The following KMT5B variants were observed in gnomAD, a reference collection of about 807,000 sequenced individuals.
KMT5B encodes histone-lysine N-methyltransferase KMT5B.
In KMT5B, 10 loss-of-function variants were observed where a neutral mutation model predicts 83.2. The ratio of observed to expected loss-of-function variants is 0.12; its 90% CI spans 0.07 to 0.20. KMT5B has a LOEUF of 0.20. KMT5B is among the 10% of genes least tolerant of loss of function. The pLI is 1.00. For synonymous variants in KMT5B, 349 were observed against 388.8 expected (o/e 0.90, Z 1.20); for missense variants, 753 against 1,067.2 (o/e 0.71, Z 4.10).
At position 68,156,723 on chromosome 11, in the gene KMT5B, C is replaced by T. The variant is rs1859320945; in HGVS notation, c.*965G>A. On this transcript the variant is annotated 3_prime_UTR_variant, in exon 11 of 11. Transcript: ENST00000304363. Reference sequence around the variant, plus strand: ...AAAGACAAACTTTTTTTATAGGTTACCACAGAACAAAAGCTGTGACTCATG... The same window carrying T: ...AAAGACAAACTTTTTTTATAGGTTATCACAGAACAAAAGCTGTGACTCATG... 1 of 152,488 alleles carries T rather than the reference C, an allele frequency of 6.6e-6. No homozygotes were observed. Among genetic ancestry groups the T allele is most frequent in the Non-Finnish European group, 1.5e-5 (1 of 68,024 alleles). 9.4% of individuals were successfully genotyped at this position (152,488 alleles called of 1,614,324 possible). A position where few individuals can be genotyped will look rare whatever the true frequency, so the allele number is the denominator to read the frequency against.
intron 4 of KMT5B, chr11:68,179,755 G>C (rs1169184541): frequency 1.5e-6 from 1 of 687,904 alleles, no homozygotes; most frequent in East Asian, 7.0e-5. Flanking sequence ...CCCCTCTGAA[G>C]AAAGTTTAGC....
chr11:68,205,620 ATTCT>A (rs1179679913), intron 1 of KMT5B, among the ~76,000 whole-genome samples: 2 of 147,792 alleles, frequency 1.4e-5, no homozygotes, highest in Non-Finnish European at 3.0e-5. Context: ...GACATTCGCA[ATTCT>A]TTTTTTTTTT....
intron 4 of KMT5B, among the ~76,000 whole-genome samples, chr11:68,179,112 A>T (rs1448197390): frequency 6.6e-6 from 1 of 151,876 alleles, no homozygotes; most frequent in African/African-American, 2.4e-5. Flanking sequence ...AGAGGATTTG[A>T]CTTGCGTTTG....
At chr11:68,181,339 C>T (rs1206472310) in intron 3 of KMT5B, among the ~76,000 whole-genome samples, 2 of 152,174 alleles carry the variant, frequency 1.3e-5, no homozygotes, top group African/African-American at 2.4e-5. Flanking sequence ...TCCCAAAGTG[C>T]TGGAATTACA....
intron 4 of KMT5B, among the ~76,000 whole-genome samples, chr11:68,175,633 A>C (rs1856289823): frequency 6.6e-6 from 1 of 152,214 alleles, no homozygotes. Context: ...TTTTTAAAAC[A>C]TGCAAAATCA....
chr11:68,162,658 A>G lies in KMT5B; in HGVS notation c.1175-3487T>C, dbSNP rs372085931. On this transcript the variant is annotated intron_variant, in intron 10 of 10. Coordinates refer to ENST00000304363, the MANE Select transcript of KMT5B (RefSeq NM_017635.5). ...TCCTTCCAAAACATTCACTGTTGAC[A>G]ACAGAAAACCAAAGCACTTTTATGT... 3.3e-5 allele frequency among the ~76,000 whole-genome samples: 5 copies of G among 152,330 alleles called. No individual in the cohort carries two copies. The East Asian group carries it at 9.7e-4, about 29-fold the overall frequency.
At chr11:68,179,878 C>G (rs1856749282) in intron 4 of KMT5B, 2 of 439,490 alleles carry the variant, frequency 4.6e-6, no homozygotes, top group Non-Finnish European at 8.0e-6. Context: ...GTCCTGCAAT[C>G]AGTGCTCAGC....
intron 10 of KMT5B, chr11:68,164,809 G>A (rs984241676): frequency 2.2e-6 from 1 of 449,860 alleles, no homozygotes; most frequent in African/African-American, 2.0e-5. Context: ...TTGAAAGCCT[G>A]TGCCTCCAGT....
intron 9 of KMT5B, among the ~76,000 whole-genome samples, chr11:68,168,743 G>A (rs1429502554): frequency 1.3e-5 from 2 of 152,332 alleles, no homozygotes; most frequent in Admixed American, 1.3e-4. Context: ...GTATCCTGGA[G>A]TGTCTAGCGC....
chr11:68,182,251 A>G (rs1222159325), intron 3 of KMT5B, among the ~76,000 whole-genome samples: 1 of 152,204 alleles, frequency 6.6e-6, no homozygotes, highest in African/African-American at 2.4e-5. Context: ...TTATCCACTT[A>G]GCACGTCACA....
intron 1 of KMT5B, among the ~76,000 whole-genome samples, chr11:68,205,070 T>C (rs1042490762): frequency 6.6e-6 from 1 of 151,882 alleles, no homozygotes; most frequent in Non-Finnish European, 1.5e-5. Context: ...AAAAAGATTT[T>C]AAACAACTTT....
chr11:68,175,659 A>C (rs1371222190), intron 4 of KMT5B, among the ~76,000 whole-genome samples: 1 of 152,196 alleles, frequency 6.6e-6, no homozygotes, highest in African/African-American at 2.4e-5. Flanking sequence ...GAAGAGTGCC[A>C]GGCAATGAAT....
In KMT5B at chr11:68,158,761, C is replaced by A. The variant is rs759460249; in HGVS notation, c.1585G>T (p.Gly529Trp). The A allele has an allele frequency of 5.6e-6, 9 of 1,614,064 alleles. No homozygotes were observed. Among genetic ancestry groups the A allele is most frequent in the African/African-American group, 2.7e-5 (2 of 74,934 alleles). The change falls in exon 11 of 11, where the codon GGG becomes TGG. Residue 529 changes from glycine (G) to tryptophan (W), a missense_variant. This residue lies in a region of KMT5B where 397 missense variants were observed against 395.9 expected (regional missense o/e 1.00). Coordinates refer to ENST00000304363, the MANE Select transcript of KMT5B (RefSeq NM_017635.5). ...QNPVRGAHSQGESSPCTYITR... is the reference protein window; with the variant it reads ...QNPVRGAHSQWESSPCTYITR... The stretch of plus-strand genomic sequence containing the variant: ...ATGTAGGTGCAGGGCGAGCTCTCCC[C>A]CTGCGAATGAGCACCTCTCACAGGA...
At position 68,183,225 on chromosome 11, in the gene KMT5B, A is replaced by C. The variant is rs1313858066; in HGVS notation, c.308+2556T>G. On this transcript the variant is annotated intron_variant, in intron 3 of 10. Coordinates refer to ENST00000304363, the MANE Select transcript of KMT5B (RefSeq NM_017635.5). ...TCACATTTCTTAACTCAAAAAAAAA[A>C]AAAACAAAGAAAAACACTGGGGGTG... 2.6e-5 allele frequency among the ~76,000 whole-genome samples: 4 copies of C among 152,016 alleles called. No homozygotes were observed. In the East Asian group the frequency reaches 5.8e-4, roughly 22 times the overall value.
In KMT5B at chr11:68,175,114, G is replaced by A. The variant is rs759633121; in HGVS notation, c.447C>T (p.His149=). 1.5e-5 allele frequency: 24 copies of A among 1,613,624 alleles called. No homozygotes were observed. The highest frequency in any genetic ancestry group is 1.9e-5 in the Non-Finnish European group (23 of 1,179,706). ...TCAAACATTTGAAGGCTTTCTCCAAGTGTTCATCTTTCTTAAAACGTTCAA... is the reference window on the plus strand; with the variant it reads ...TCAAACATTTGAAGGCTTTCTCCAAATGTTCATCTTTCTTAAAACGTTCAA... ...EVIERFKKDE[H]LEKAFKCLTS... Residue 149 remains histidine (H), a synonymous_variant, in exon 5 of 11, where the codon CAC becomes CAT. Transcript: ENST00000304363.
At chr11:68,184,888 C>T (rs1354102773) in intron 3 of KMT5B, among the ~76,000 whole-genome samples, 3 of 152,162 alleles carry the variant, frequency 2.0e-5, no homozygotes, top group African/African-American at 7.2e-5. Flanking sequence ...TAAAAGATGA[C>T]AGATTTCAAG....
intron 1 of KMT5B, among the ~76,000 whole-genome samples, chr11:68,206,340 C>T (rs1285592988): frequency 6.6e-6 from 1 of 152,196 alleles, no homozygotes; most frequent in Non-Finnish European, 1.5e-5. Context: ...GTAAGTACAG[C>T]CTTTACAGCC....
At chr11:68,164,715 A>G (rs750909858) in intron 10 of KMT5B, 6 of 508,184 alleles carry the variant, frequency 1.2e-5, no homozygotes, top group Admixed American at 2.0e-5. Flanking sequence ...AAGCACCCCA[A>G]TATCAGCAGT....
intron 1 of KMT5B, among the ~76,000 whole-genome samples, chr11:68,190,488 G>C (rs1381934594): frequency 6.6e-6 from 1 of 152,178 alleles, no homozygotes; most frequent in Non-Finnish European, 1.5e-5. Context: ...GGAAGGCACT[G>C]TTATCACAGG....
Sources: gnomAD v4.1 joint callset for allele counts (sites outside exome capture counted in the v4.1 genomes callset) on GRCh38, gnomAD v4.1.1 for gene constraint, gnomAD v4.1.1 regional missense constraint, MANE v1.5 for transcripts, NCBI Gene and HGNC (gene_info 2026-07-23, HGNC 2026-07-21) for gene names.